Variants in TOP1MT observed in about 807,000 individuals in gnomAD.
TOP1MT encodes the protein DNA topoisomerase I mitochondrial.
In TOP1MT, 80 loss-of-function variants were observed where a neutral mutation model predicts 73.9. The observed-to-expected ratio is 1.08, with a 90% CI of 0.90 to 1.30. The LOEUF (loss-of-function observed/expected upper bound fraction) is 1.30, where lower values mean the gene tolerates loss of function less well. Among genes scored for constraint, TOP1MT ranks in the 50% most tolerant of loss-of-function variants. The pLI, the probability that TOP1MT is intolerant of heterozygous loss-of-function variation, is 0.00. For missense variants in TOP1MT, 815 were observed against 808.0 expected (o/e 1.01, Z -0.10); for synonymous variants, 338 against 326.4 (o/e 1.04, Z -0.38).
Position 143,331,216 on chromosome 8 carries a change from A to C in TOP1MT, c.238+8T>G. 6.3e-7 allele frequency: 1 copy of C among 1,595,988 alleles called. No individual in the cohort carries two copies. The highest frequency in any genetic ancestry group is 8.6e-7 in the Non-Finnish European group (1 of 1,166,468). On this transcript the variant is annotated splice_region_variant and intron_variant, in intron 2 of 13. Coordinates refer to ENST00000329245, the MANE Select transcript of TOP1MT (RefSeq NM_052963.3). ...AGGCTGGGGAGGAGCCGCTCCCTGC[A>C]TCCTTACCTTCATAGAAGAAACGCA...
Position 143,310,149 on chromosome 8 carries a change from G to C in TOP1MT, c.1622C>G (p.Ala541Gly), listed in dbSNP as rs778440465. The C allele has an allele frequency of 1.7e-5, 27 of 1,612,374 alleles. No individual in the cohort carries two copies. Among genetic ancestry groups the C allele is most frequent in the South Asian group, 3.3e-5 (3 of 90,938 alleles). Reference sequence around the variant, plus strand: ...CTGCTTGTTCTCCTCCTTGTCCGTGGCCTGCACACTCAGCTGCGCCAGCTG... The same window carrying C: ...CTGCTTGTTCTCCTCCTTGTCCGTGCCCTGCACACTCAGCTGCGCCAGCTG... ...QEQLAQLSVQ[A>G]TDKEENKQVA... The change falls in exon 13 of 14, where the codon GCC becomes GGC. Residue 541 changes from alanine (A) to glycine (G), a missense_variant. Physicochemically the swap from Ala to Gly is moderately conservative, Grantham distance 60. Transcript: ENST00000329245.
At position 143,329,485 on chromosome 8, in the gene TOP1MT, A is replaced by G; in HGVS notation, c.239-14T>C. On this transcript the variant is annotated splice_polypyrimidine_tract_variant and intron_variant, in intron 2 of 13. Coordinates refer to ENST00000329245, the MANE Select transcript of TOP1MT (RefSeq NM_052963.3). ...TCACAGGCCTTCCTGCAGGCATCGG[A>G]AGACACATCGTATGAGAGAGCGGCC... is the stretch of plus-strand genomic sequence containing the variant. 6.2e-7 allele frequency: 1 copy of G among 1,605,880 alleles called. No individual in the cohort carries two copies. Among genetic ancestry groups the G allele is most frequent in the Non-Finnish European group, 8.5e-7 (1 of 1,177,870 alleles).
At chr8:143,340,602 C>A (rs1013806520) in intron 2 of TOP1MT, among the ~76,000 whole-genome samples, 4 of 152,190 alleles carry the variant, frequency 2.6e-5, no homozygotes, top group Admixed American at 6.5e-5. Flanking sequence ...AGGCCCCCCA[C>A]CTCCCAGTCA....
chr8:143,310,231 A>T lies in TOP1MT; in HGVS notation c.1554-14T>A, dbSNP rs1815973904. 2 of 1,514,696 alleles carry T rather than the reference A, an allele frequency of 1.3e-6. No homozygotes were observed. Among genetic ancestry groups the T allele is most frequent in the African/African-American group, 2.8e-5 (2 of 71,912 alleles). The allele number at this position is 1,514,696 out of a possible 1,614,324, so 93.8% of individuals were successfully genotyped here. ...TTCTCCAGGACACTGGCAAGAGAAG[A>T]GGAGGCCGCGAGGCCCCGCGCTGGA... On this transcript the variant is annotated splice_polypyrimidine_tract_variant and intron_variant, in intron 12 of 13. Transcript: ENST00000329245.
At chr8:143,342,867 C>G (rs775499459) in intron 2 of TOP1MT, among the ~76,000 whole-genome samples, 97 of 150,560 alleles carry the variant, frequency 6.4e-4, no homozygotes, top group Non-Finnish European at 9.7e-4. Context: ...TCACTGCAAC[C>G]TCTGCCTCCC....
chr8:143,343,568 G>A (rs1344992957), intron 1 of TOP1MT: 1 of 268,258 alleles, frequency 3.7e-6, no homozygotes, highest in Non-Finnish European at 7.5e-6. Context: ...GGAAGAGTGG[G>A]CAGGCAGTAA....
At chr8:143,357,705 T>C (rs1225468936), upstream of TOP1MT, among the ~76,000 whole-genome samples, 17 of 152,168 alleles carry the variant, frequency 1.1e-4, no homozygotes, top group Non-Finnish European at 4.4e-5. Flanking sequence ...GCGGATCACC[T>C]GAGGTCAGGA....
intron 2 of TOP1MT, among the ~76,000 whole-genome samples, chr8:143,342,462 GCT>G (rs1265883727): frequency 4.2e-5 from 5 of 119,574 alleles, no homozygotes; most frequent in Admixed American, 8.1e-5. Flanking sequence ...ACAGAGTCTC[GCT>G]CTGTTATTAT....
At chr8:143,309,965 G>A (rs1485041710) in intron 13 of TOP1MT, 103 bp downstream of exon 13, 1 of 1,597,016 alleles carries the variant, frequency 6.3e-7, no homozygotes, top group Admixed American at 1.7e-5. Context: ...CTGACCCCAG[G>A]GGACACGGGA....
chr8:143,342,295 GTTA>G (rs1171635775), intron 2 of TOP1MT, among the ~76,000 whole-genome samples: 62 of 107,480 alleles, frequency 5.8e-4, no homozygotes, highest in South Asian at 2.1e-3. Context: ...GAGTCTCGCT[GTTA>G]TTATTATTAT....
chr8:143,332,612 A>G (rs1461789308), intron 1 of TOP1MT: 2 of 1,267,152 alleles, frequency 1.6e-6, no homozygotes, highest in Non-Finnish European at 2.1e-6. Context: ...CTGAGAGGGG[A>G]AAGCATGTGC....
At position 143,325,335 on chromosome 8, in the gene TOP1MT, C is replaced by T. The variant is rs758398521; in HGVS notation, c.671+11G>A. The T allele has an allele frequency of 1.7e-5, 27 of 1,577,686 alleles. No individual in the cohort carries two copies. In the East Asian group the frequency reaches 3.0e-4, roughly 17 times the overall value. On this transcript the variant is annotated intron_variant, in intron 5 of 13. Coordinates refer to ENST00000329245, the MANE Select transcript of TOP1MT (RefSeq NM_052963.3). The stretch of plus-strand genomic sequence containing the variant: ...GTCCAGTGCCCGCCTGCTGCCCGCC[C>T]GGCCACGCACCTGCTGCAGTTGATA...
upstream of TOP1MT, among the ~76,000 whole-genome samples, chr8:143,337,299 G>A (rs139359831): frequency 8.4e-3 from 1,286 of 152,260 alleles, 18 homozygotes; most frequent in African/African-American, 0.029. Context: ...CAGCTATTTG[G>A]GAGGCTGAGG....
chr8:143,323,020 G>C (rs1816553460), intron 7 of TOP1MT, among the ~76,000 whole-genome samples: 1 of 38,278 alleles, frequency 2.6e-5, no homozygotes, highest in African/African-American at 8.5e-5. Context: ...CCACACACAT[G>C]CACACACACA....
chr8:143,359,483 G>T (rs1817466442), upstream of TOP1MT: 1 of 958,672 alleles, frequency 1.0e-6, no homozygotes, highest in Non-Finnish European at 1.2e-6. Flanking sequence ...GACCGGCACC[G>T]CTGGCCAGGT....
In TOP1MT at chr8:143,331,351, G is replaced by C; in HGVS notation, c.123-12C>G. On this transcript the variant is annotated splice_polypyrimidine_tract_variant and intron_variant, in intron 1 of 13. Transcript: ENST00000329245. ...TCTCCTTCTCCCACCTAAAGACGGA[G>C]ACAGGACGTGTCACTCTCCTGGGCC... 6.2e-7 allele frequency: 1 copy of C among 1,605,726 alleles called. No individual in the cohort carries two copies. Among genetic ancestry groups the C allele is most frequent in the African/African-American group, 1.3e-5 (1 of 74,942 alleles).
chr8:143,329,863 A>G (rs1220925963), intron 2 of TOP1MT, among the ~76,000 whole-genome samples: 5 of 152,242 alleles, frequency 3.3e-5, no homozygotes, highest in Non-Finnish European at 7.3e-5. Flanking sequence ...CTGAATAACT[A>G]GGTGTACCCT....
Position 143,312,708 on chromosome 8 carries a change from A to G in TOP1MT, c.1554-2491T>C, listed in dbSNP as rs576990450. Among the ~76,000 whole-genome samples the G allele has an allele frequency of 6.6e-5, 10 of 152,356 alleles. No homozygotes were observed. In the East Asian group the frequency reaches 1.5e-3, roughly 23 times the overall value. On this transcript the variant is annotated intron_variant, in intron 12 of 13. Transcript: ENST00000329245. ...TGTACTGGAGATTCCTGCCAGGTCC[A>G]TAATGCAAAAATATGAAATAAAAGG...
rs139684814 is a variant in TOP1MT at position 143,326,095 on chromosome 8, C to T, written c.483+127G>A. 2.5e-5 allele frequency: 28 copies of T among 1,124,120 alleles called. No individual in the cohort carries two copies. The East Asian group carries it at 5.1e-4, about 21-fold the overall frequency. The allele number at this position is 1,124,120 out of a possible 1,614,324, so 69.6% of individuals were successfully genotyped here. ...GCACATGCAGGGGCGCTAAGGCTGA[C>T]GAGAAAAGAGCAGCTTTGTGAGAAG... On this transcript the variant is annotated intron_variant, in intron 4 of 13. Coordinates refer to ENST00000329245, the MANE Select transcript of TOP1MT (RefSeq NM_052963.3).
Sources: allele counts gnomAD v4.1 joint callset (sites outside exome capture counted in the v4.1 genomes callset), GRCh38; gene constraint gnomAD v4.1.1; transcripts MANE v1.5; gene names NCBI Gene and HGNC (gene_info 2026-07-23, HGNC 2026-07-21).